Variants in KDM5C observed in about 807,000 individuals in gnomAD.
KDM5C encodes lysine-specific demethylase 5C.
A neutral mutation model predicts 110.6 loss-of-function variants in KDM5C; 16 were observed. The observed-to-expected ratio is 0.14, with a 90% confidence interval of 0.10 to 0.22. KDM5C has a LOEUF of 0.22. Ranked by LOEUF, KDM5C falls within the 10% of genes least tolerant of loss-of-function variation. The probability of loss-of-function intolerance (pLI) is 1.00; values close to 1 mark genes in which losing one functional copy is unlikely to be tolerated. For missense variants in KDM5C, 681 were observed against 1,300.9 expected, an observed-to-expected ratio of 0.52 and a Z score of 7.33; for synonymous variants, 511 against 520.4, an observed-to-expected ratio of 0.98 and a Z score of 0.24.
rs1166794570 is a variant in KDM5C at position 53,213,100 on chromosome X, T to C, written c.1123-1194A>G. Among the ~76,000 whole-genome samples the C allele has an allele frequency of 3.6e-5, 4 of 112,636 alleles. No homozygotes were observed. In the East Asian group the frequency reaches 8.3e-4, roughly 23 times the overall value. On this transcript the variant is annotated intron_variant, in intron 8 of 25. Coordinates refer to ENST00000375401, the MANE Select transcript of KDM5C (RefSeq NM_004187.5). ...CTGTTCTTGAGACTGTCTCAGAAGATAGGATGTGGGTCTACCTCATTTTGT... is the reference window on the plus strand; with the variant it reads ...CTGTTCTTGAGACTGTCTCAGAAGACAGGATGTGGGTCTACCTCATTTTGT...
intron 2 of KDM5C, 119 bp downstream of exon 2, chrX:53,220,720 A>G (rs969908479): frequency 3.3e-6 from 2 of 597,257 alleles, no homozygotes; most frequent in Non-Finnish European, 2.8e-6. Flanking sequence ...AATTTCACAG[A>G]AGAGAGAATA....
At chrX:53,179,326 CA>C (rs782262119) in intron 25 of KDM5C, among the ~76,000 whole-genome samples, 4 of 96,792 alleles carry the variant, frequency 4.1e-5, no homozygotes, top group African/African-American at 7.5e-5. Context: ...ACTCCCTCTC[CA>C]AAAAAAAAAC....
chrX:53,187,563 C>G (rs1462370923), downstream of KDM5C, among the ~76,000 whole-genome samples: 1 of 110,230 alleles, frequency 9.1e-6, no homozygotes, highest in African/African-American at 3.3e-5. Flanking sequence ...TATGGCTATC[C>G]CACCATTGTA....
At chrX:53,211,756 C>A (rs782080990) in intron 9 of KDM5C, 31 bp downstream of exon 9, 20 of 1,210,837 alleles carry the variant, frequency 1.7e-5, no homozygotes, top group Non-Finnish European at 2.2e-5. Flanking sequence ...ATGATCCTAG[C>A]CCAACACTAC....
intron 13 of KDM5C, 55 bp from the exon 14 acceptor site, chrX:53,201,799 G>A: frequency 1.7e-6 from 2 of 1,210,951 alleles, no homozygotes; most frequent in East Asian, 5.9e-5. Context: ...TGATGCCCCA[G>A]CTTCTCTACA....
chrX:53,193,561 G>A lies in KDM5C; in HGVS notation c.4193C>T (p.Pro1398Leu), dbSNP rs1569256893. 1 of 1,211,961 alleles carries A rather than the reference G, an allele frequency of 8.3e-7. No homozygotes were observed. The highest frequency in any genetic ancestry group is 3.0e-5 in the East Asian group (1 of 33,843). The change falls in exon 25 of 26, where the codon CCC (proline) becomes CTC (leucine). Residue 1398 changes from proline to leucine, a missense_variant. Physicochemically the swap from Pro to Leu is moderately conservative, Grantham distance 98. Coordinates refer to ENST00000375401, the MANE Select transcript of KDM5C (RefSeq NM_004187.5). ...VLELPEATRAPLEELMMEGDL... is the reference protein window; with the variant it reads ...VLELPEATRALLEELMMEGDL... ...CCCCTCCATCATGAGCTCCTCCAAG[G>A]GGGCCCGGGTTGCCTCAGGCAGTTC... is the stretch of plus-strand genomic sequence containing the variant.
chrX:53,192,873 G>GCCCCCCCC lies in KDM5C; in HGVS notation c.*93_*94insGGGGGGGG. On this transcript the variant is annotated 3_prime_UTR_variant, in exon 26 of 26. Transcript: ENST00000375401. Reference sequence around the variant, plus strand: ...AGCAGGGATGGCCACCCCCCTACCCGCCCACCCCCCAAGAAGCAGGCTTGA... The same window carrying GCCCCCCCC: ...AGCAGGGATGGCCACCCCCCTACCCGCCCCCCCCCCCACCCCCCAAGAAGCAGGCTTGA... 5 of 230,657 alleles carry GCCCCCCCC rather than the reference G, an allele frequency of 2.2e-5. No homozygotes were observed. Among genetic ancestry groups the GCCCCCCCC allele is most frequent in the Non-Finnish European group, 3.1e-5 (5 of 159,357 alleles). 19.0% of individuals were successfully genotyped at this position (230,657 alleles called of 1,213,427 possible). A position where few individuals can be genotyped will look rare whatever the true frequency, so the allele number is the denominator to read the frequency against.
At chrX:53,176,696 T>C (rs1556824317) in intron 25 of KDM5C, among the ~76,000 whole-genome samples, 1 of 112,073 alleles carries the variant, frequency 8.9e-6, no homozygotes, top group African/African-American at 3.2e-5. Flanking sequence ...TGGGTTGATT[T>C]CAATACTATA....
intron 25 of KDM5C, among the ~76,000 whole-genome samples, chrX:53,180,159 A>C (rs1185265605): frequency 9.0e-6 from 1 of 111,434 alleles, no homozygotes; most frequent in Non-Finnish European, 1.9e-5. Context: ...CATATTAATA[A>C]GTGAAAGAAG....
chrX:53,224,824 G>A lies in KDM5C; in HGVS notation c.66C>T (p.Ala22=). The change falls in exon 1 of 26, where the codon GCC becomes GCT. Residue 22 remains alanine, a synonymous_variant. Coordinates refer to ENST00000375401, the MANE Select transcript of KDM5C (RefSeq NM_004187.5). ...PECPVFEPSW[A]EFRDPLGYIA... ...TGTAGCCAAGAGGGTCTCGGAACTCGGCCCAGCTAGGCTCGAACACCGGGC... is the reference window on the plus strand; with the variant it reads ...TGTAGCCAAGAGGGTCTCGGAACTCAGCCCAGCTAGGCTCGAACACCGGGC... 1 of 1,210,828 alleles carries A rather than the reference G, an allele frequency of 8.3e-7. No individual in the cohort carries two copies. Among genetic ancestry groups the A allele is most frequent in the Non-Finnish European group, 1.1e-6 (1 of 894,702 alleles).
Position 53,201,811 on chromosome X carries a change from C to A in KDM5C, c.1866+43G>T, listed in dbSNP as rs375559738. 1.1e-4 allele frequency: 139 copies of A among 1,209,888 alleles called. No homozygotes were observed. In the South Asian group the frequency reaches 1.2e-3, roughly 11 times the overall value. ...CCATGATGCCCCAGCTTCTCTACAA[C>A]CCTCCTGCTTCTCCCCACCATCCCA... is the stretch of plus-strand genomic sequence containing the variant. On this transcript the variant is annotated intron_variant, in intron 13 of 25. Transcript: ENST00000375401.
rs1556838627 is a variant in KDM5C, at chrX:53,197,794, T to C, written c.2599A>G (p.Met867Val). ...LDQMNNLPCA[M>V]HQIGDVKGVL... ...ACCTTGACATCCCCAATCTGGTGCA[T>C]GGCGCAAGGCAGGTTGTTCATCTGG... The change falls in exon 18 of 26, where the codon ATG becomes GTG. Residue 867 changes from methionine (M) to valine (V), a missense_variant. Met to Val is a conservative substitution (Grantham distance 21, BLOSUM62 1). This residue lies in a region of KDM5C where 123 missense variants were observed against 169.0 expected (regional missense o/e 0.73). Coordinates refer to ENST00000375401, the MANE Select transcript of KDM5C (RefSeq NM_004187.5). The C allele has an allele frequency of 1.4e-5, 17 of 1,205,414 alleles. No homozygotes were observed. The highest frequency in any genetic ancestry group is 1.6e-5 in the Non-Finnish European group (14 of 892,107).
chrX:53,187,076 C>T (rs183797121), downstream of KDM5C, among the ~76,000 whole-genome samples: 9 of 111,803 alleles, frequency 8.0e-5, no homozygotes, highest in Non-Finnish European at 1.7e-4. Context: ...CTTTTCTTTG[C>T]CCAATGGATT....
At chrX:53,217,528 C>T (rs1407596072) in intron 4 of KDM5C, among the ~76,000 whole-genome samples, 1 of 111,946 alleles carries the variant, frequency 8.9e-6, no homozygotes, top group East Asian at 2.8e-4. Flanking sequence ...AAATCAGACG[C>T]CATCTCTTCC....
At position 53,218,612 on chromosome X, in the gene KDM5C, G is replaced by T. The variant is rs1468056954; in HGVS notation, c.229-214C>A. On this transcript the variant is annotated intron_variant, in intron 2 of 25. Coordinates refer to ENST00000375401, the MANE Select transcript of KDM5C (RefSeq NM_004187.5). The stretch of plus-strand genomic sequence containing the variant: ...TGTTTTTTTGAGACGGTCTTGCTCT[G>T]TCGCCCAAGCTGGAATGGAGTGGTG... The T allele has an allele frequency of 3.7e-5, 18 of 481,441 alleles. No homozygotes were observed. The East Asian group carries it at 7.3e-4, about 20-fold the overall frequency. The allele number at this position is 481,441 out of a possible 1,213,427, so 39.7% of individuals were successfully genotyped here. A position where few individuals can be genotyped will look rare whatever the true frequency, so the allele number is the denominator to read the frequency against.
intron 3 of KDM5C, 43 bp from the exon 4 acceptor site, chrX:53,218,009 T>C (rs373063049): frequency 1.7e-6 from 2 of 1,177,489 alleles, no homozygotes; most frequent in Non-Finnish European, 1.2e-6. Flanking sequence ...GCCACGTGTA[T>C]TTATATGTGA....
chrX:53,177,791 G>T (rs1397643175), intron 25 of KDM5C, among the ~76,000 whole-genome samples: 2 of 112,163 alleles, frequency 1.8e-5, no homozygotes, highest in Non-Finnish European at 3.8e-5. Flanking sequence ...AAGGAAACAG[G>T]TCTACTTGTA....
Position 53,196,805 on chromosome X carries a change from C to T in KDM5C, c.2862G>A (p.Leu954=). ...TAGGGGCTACACTGGCACCCGCGAC[C>T]AACAGTCCTCGCATGACAGCCAAGG... The part of the protein sequence containing the change: ...RGTLAVMRGL[L]VAGASVAPSP... Residue 954 remains leucine, a synonymous_variant, in exon 19 of 26, where the codon TTG becomes TTA. Transcript: ENST00000375401. The T allele has an allele frequency of 8.3e-7, 1 of 1,211,859 alleles. No homozygotes were observed. The highest frequency in any genetic ancestry group is 3.0e-5 in the East Asian group (1 of 33,833).
Position 53,217,239 on chromosome X carries a change from G to A in KDM5C, c.561C>T (p.Asp187=), listed in dbSNP as rs1556852406. The change falls in exon 5 of 26, where the codon GAC becomes GAT. Residue 187 remains aspartate, a synonymous_variant. Transcript: ENST00000375401. ...NTRPFDNEEK[D]KEYKPHSIPL... ...GGATGCTGTGGGGTTTGTATTCCTT[G>A]TCCTTCTCCTCATTATCAAATGGAC... The A allele has an allele frequency of 8.3e-7, 1 of 1,211,027 alleles. No homozygotes were observed. Among genetic ancestry groups the A allele is most frequent in the East Asian group, 3.0e-5 (1 of 33,836 alleles).
Sources: gnomAD v4.1 joint callset for allele counts (sites outside exome capture counted in the v4.1 genomes callset) on GRCh38, gnomAD v4.1.1 for gene constraint, gnomAD v4.1.1 regional missense constraint, MANE v1.5 for transcripts, NCBI Gene and HGNC (gene_info 2026-07-23, HGNC 2026-07-21) for gene names.